The following PALLD variants were observed in gnomAD, a reference collection of about 807,000 sequenced individuals.
PALLD encodes the protein palladin, cytoskeletal associated protein, also known as palladin.
Under a neutral mutation model 123.5 loss-of-function variants are expected in PALLD, and 61 were observed. That is an observed-to-expected ratio of 0.49 (90% CI 0.40 to 0.61). The LOEUF is 0.61. Ranked by LOEUF, PALLD falls within the 20% of genes least tolerant of loss-of-function variation. The pLI, the probability that PALLD is intolerant of heterozygous loss-of-function variation, is 0.00. For missense variants in PALLD, 1,273 were observed against 1,377.0 expected, an observed-to-expected ratio of 0.92 and a Z score of 1.20; for synonymous variants, 465 against 496.4, an observed-to-expected ratio of 0.94 and a Z score of 0.84.
At chr4:168,606,680 A>C (rs1773215367) in intron 2 of PALLD, among the ~76,000 whole-genome samples, 1 of 151,996 alleles carries the variant, frequency 6.6e-6, no homozygotes, top group Non-Finnish European at 1.5e-5. Flanking sequence ...AAAAAAAAAA[A>C]AAAAGATCAA....
intron 13 of PALLD, 71 bp from the exon 14 acceptor site, chr4:168,898,422 G>A (rs1032381242): frequency 5.3e-6 from 5 of 944,566 alleles, no homozygotes; most frequent in Admixed American, 3.5e-5. Context: ...GGCCTTATTG[G>A]GGGGCAGGGA....
intron 18 of PALLD, 23 bp from the exon 19 acceptor site, chr4:168,924,232 G>A (rs777000772): frequency 2.1e-5 from 34 of 1,606,606 alleles, no homozygotes; most frequent in Non-Finnish European, 2.8e-5. Context: ...CATTGATAGA[G>A]AATTCATCTC....
At position 168,669,689 on chromosome 4, in the gene PALLD, A is replaced by G. The variant is rs191085239; in HGVS notation, c.1087+1321A>G. Among the ~76,000 whole-genome samples the G allele has an allele frequency of 4.6e-5, 7 of 152,334 alleles. No individual in the cohort carries two copies. In the East Asian group the frequency reaches 1.2e-3, roughly 25 times the overall value. ...TACTTTCAGTGAAAGGATCCTCCAC[A>G]TTACCTTTGGTAGAAAACATCTTGG... On this transcript the variant is annotated intron_variant, in intron 3 of 21. Transcript: ENST00000505667.
At chr4:168,685,810 G>GAAAAAAAAAAA (rs70961550) in intron 6 of PALLD, among the ~76,000 whole-genome samples, 7 of 65,628 alleles carry the variant, frequency 1.1e-4, no homozygotes, top group African/African-American at 1.7e-4. Context: ...AAGACAGATA[G>GAAAAAAAAAAA]AAAAAAAAAA....
At chr4:168,670,912 A>T (rs1005136952) in intron 3 of PALLD, among the ~76,000 whole-genome samples, 1 of 151,748 alleles carries the variant, frequency 6.6e-6, no homozygotes, top group Non-Finnish European at 1.5e-5. Context: ...CTAAAAATAC[A>T]AAAATTAGCC....
intron 6 of PALLD, among the ~76,000 whole-genome samples, chr4:168,689,956 TTGGTC>T (rs1782465009): frequency 6.6e-6 from 1 of 152,162 alleles, no homozygotes; most frequent in Non-Finnish European, 1.5e-5. Context: ...TAAAGATTTA[TTGGTC>T]TGGAGTTGGA....
At chr4:168,825,925 G>C (rs902571225) in intron 10 of PALLD, among the ~76,000 whole-genome samples, 4 of 151,964 alleles carry the variant, frequency 2.6e-5, no homozygotes, top group African/African-American at 9.7e-5. Flanking sequence ...ATTGCCACTG[G>C]GATTAACGTA....
At chr4:168,789,565 C>T (rs867719006) in intron 10 of PALLD, among the ~76,000 whole-genome samples, 82 of 152,082 alleles carry the variant, frequency 5.4e-4, no homozygotes, top group African/African-American at 1.9e-3. Context: ...ATTAGCTGGG[C>T]GTGGTGGCAT....
chr4:168,872,647 C>A (rs1169997940), intron 10 of PALLD, among the ~76,000 whole-genome samples: 1 of 152,180 alleles, frequency 6.6e-6, no homozygotes, highest in Non-Finnish European at 1.5e-5. Context: ...AAGCCCAGTG[C>A]AATACATTCT....
chr4:168,820,261 T>C (rs1349935172), intron 10 of PALLD, among the ~76,000 whole-genome samples: 8 of 152,256 alleles, frequency 5.3e-5, no homozygotes. Flanking sequence ...TCTCGTTGAA[T>C]CCTTGCAGCA....
At chr4:168,600,041 GTGTATACACACA>G (rs1772431780) in intron 2 of PALLD, among the ~76,000 whole-genome samples, 3 of 149,432 alleles carry the variant, frequency 2.0e-5, no homozygotes, top group Non-Finnish European at 1.5e-5. Flanking sequence ...ATACATACAT[GTGTATACACACA>G]TATATACATA....
intron 10 of PALLD, among the ~76,000 whole-genome samples, chr4:168,888,840 A>G (rs1209528019): frequency 6.6e-6 from 1 of 152,170 alleles, no homozygotes; most frequent in Non-Finnish European, 1.5e-5. Flanking sequence ...TCAGCAAGGA[A>G]ACAAAGGGGA....
chr4:168,548,032 G>GCAAACAAA (rs138888428), intron 2 of PALLD, among the ~76,000 whole-genome samples: 6 of 150,982 alleles, frequency 4.0e-5, no homozygotes, highest in Non-Finnish European at 5.9e-5. Flanking sequence ...GCAACAAAGA[G>GCAAACAAA]CAAACAAACA....
At chr4:168,814,365 T>G (rs993933784) in intron 10 of PALLD, among the ~76,000 whole-genome samples, 3 of 152,208 alleles carry the variant, frequency 2.0e-5, no homozygotes, top group African/African-American at 7.2e-5. Flanking sequence ...AATTTATGTA[T>G]CAAATATATC....
intron 10 of PALLD, among the ~76,000 whole-genome samples, chr4:168,751,387 T>A (rs112283823): frequency 0.024 from 3,730 of 152,272 alleles, 100 homozygotes; most frequent in South Asian, 0.14. Flanking sequence ...ATAAAAGCAA[T>A]TAATTTTAGG....
intron 10 of PALLD, among the ~76,000 whole-genome samples, chr4:168,826,595 G>T (rs546034976): frequency 1.5e-4 from 23 of 152,240 alleles, no homozygotes; most frequent in African/African-American, 5.5e-4. Context: ...CCAGCCCAAA[G>T]TAAAGTTCAG....
At chr4:168,711,131 CA>C in intron 9 of PALLD, among the ~76,000 whole-genome samples, 1 of 152,290 alleles carries the variant, frequency 6.6e-6, no homozygotes, top group Non-Finnish European at 1.5e-5. Context: ...ACTTGGACTC[CA>C]AGGTTTACCT....
intron 2 of PALLD, among the ~76,000 whole-genome samples, chr4:168,512,805 AGCT>A (rs1217748514): frequency 6.6e-6 from 1 of 152,230 alleles, no homozygotes; most frequent in East Asian, 1.9e-4. Context: ...GGCTAAAACT[AGCT>A]GCTATCTAGA....
At chr4:168,908,423 G>A (rs774487092) in intron 15 of PALLD, among the ~76,000 whole-genome samples, 34 of 151,926 alleles carry the variant, frequency 2.2e-4, no homozygotes, top group Non-Finnish European at 4.1e-4. Context: ...ATCTATTACC[G>A]TATATTAAAA....
Sources: allele counts gnomAD v4.1 joint callset (sites outside exome capture counted in the v4.1 genomes callset), GRCh38; gene constraint gnomAD v4.1.1; transcripts MANE v1.5; gene names NCBI Gene and HGNC (gene_info 2026-07-23, HGNC 2026-07-21).